Variants in ITFG1 observed in about 807,000 individuals in gnomAD.
ITFG1 encodes integrin alpha FG-GAP repeat containing 1, also known as T-cell immunomodulatory protein.
In ITFG1, 34 loss-of-function variants were observed where a neutral mutation model predicts 81.8. The observed-to-expected ratio is 0.42, with a 90% CI of 0.32 to 0.55. The LOEUF (loss-of-function observed/expected upper bound fraction) is 0.55. Ranked by LOEUF, ITFG1 falls within the 20% of genes least tolerant of loss-of-function variation. The probability of loss-of-function intolerance (pLI) is 0.17; values close to 1 mark genes in which losing one functional copy is unlikely to be tolerated. For missense variants in ITFG1, 672 were observed against 755.4 expected, an observed-to-expected ratio of 0.89 and a Z score of 1.29; for synonymous variants, 285 against 270.6, an observed-to-expected ratio of 1.05 and a Z score of -0.52.
At chr16:47,296,795 C>G (rs972791655) in intron 10 of ITFG1, among the ~76,000 whole-genome samples, 1 of 152,166 alleles carries the variant, frequency 6.6e-6, no homozygotes, top group Non-Finnish European at 1.5e-5. Context: ...CTGCTGTGAT[C>G]TGAAAAGATA....
chr16:47,420,064 G>A (rs1968925261), intron 6 of ITFG1, among the ~76,000 whole-genome samples: 1 of 151,504 alleles, frequency 6.6e-6, no homozygotes, highest in African/African-American at 2.4e-5. Context: ...TTACAGGCAC[G>A]AGCCACCATG....
At chr16:47,284,082 T>C (rs1966861254) in intron 10 of ITFG1, among the ~76,000 whole-genome samples, 1 of 152,246 alleles carries the variant, frequency 6.6e-6, no homozygotes, top group South Asian at 2.1e-4. Flanking sequence ...TGTGGCTGTC[T>C]ATGGCTTGGG....
Position 47,160,609 on chromosome 16 carries a change from A to G in ITFG1, c.1661+1141T>C, listed in dbSNP as rs151261528. 5.8e-3 allele frequency among the ~76,000 whole-genome samples: 884 copies of G among 152,238 alleles called. 7 individuals carry two copies. The highest frequency in any genetic ancestry group is 0.02 in the African/African-American group (840 of 41,524). ...ATTAAAAAAAATCTGAACCAGGACTATAACTGTTTCAATGATGTCATCTTA... is the reference window on the plus strand; with the variant it reads ...ATTAAAAAAAATCTGAACCAGGACTGTAACTGTTTCAATGATGTCATCTTA... On this transcript the variant is annotated intron_variant, in intron 16 of 17. Transcript: ENST00000320640.
intron 14 of ITFG1, among the ~76,000 whole-genome samples, chr16:47,212,833 C>T (rs1324038234): frequency 2.0e-5 from 3 of 151,860 alleles, no homozygotes; most frequent in African/African-American, 7.3e-5. Context: ...TTTGGTCAGT[C>T]CTGGTACAGA....
chr16:47,228,334 C>T (rs1286715750), intron 13 of ITFG1, among the ~76,000 whole-genome samples: 1 of 151,340 alleles, frequency 6.6e-6, no homozygotes, highest in African/African-American at 2.5e-5. Context: ...ATTCACTTCA[C>T]CAAAATAAAG....
At chr16:47,252,661 G>A (rs1330229285) in intron 12 of ITFG1, among the ~76,000 whole-genome samples, 1 of 152,156 alleles carries the variant, frequency 6.6e-6, no homozygotes, top group Admixed American at 6.6e-5. Flanking sequence ...TGTGCTGTGC[G>A]TAAGAGAAGC....
At chr16:47,171,027 G>A (rs923385005) in intron 14 of ITFG1, among the ~76,000 whole-genome samples, 24 of 118,138 alleles carry the variant, frequency 2.0e-4, no homozygotes, top group Non-Finnish European at 3.0e-4. Context: ...GAGCCACTGT[G>A]CCTTTTTTTT....
chr16:47,258,788 T>TAAA, intron 11 of ITFG1, 48 bp from the exon 12 acceptor site: 1 of 702,092 alleles, frequency 1.4e-6, no homozygotes, highest in Non-Finnish European at 2.2e-6. Flanking sequence ...TTAGACCAAC[T>TAAA]AAAAAAAAAA....
At chr16:47,212,508 A>G (rs1242708888) in intron 14 of ITFG1, among the ~76,000 whole-genome samples, 3 of 152,228 alleles carry the variant, frequency 2.0e-5, no homozygotes, top group Admixed American at 6.5e-5. Flanking sequence ...TGAGCCATCC[A>G]TCGCACTCTA....
intron 13 of ITFG1, among the ~76,000 whole-genome samples, chr16:47,233,075 C>G (rs1205885553): frequency 1.3e-5 from 2 of 152,116 alleles, no homozygotes; most frequent in Non-Finnish European, 2.9e-5. Context: ...TGGACAAAAA[C>G]AAACTTCAAA....
At chr16:47,320,635 A>G (rs1293943643) in intron 8 of ITFG1, among the ~76,000 whole-genome samples, 1 of 152,226 alleles carries the variant, frequency 6.6e-6, no homozygotes, top group Non-Finnish European at 1.5e-5. Flanking sequence ...CTTAGCTACC[A>G]TATGTGATCA....
intron 9 of ITFG1, chr16:47,312,908 A>T (rs1398859591): frequency 6.6e-6 from 1 of 152,224 alleles, no homozygotes; most frequent in Admixed American, 6.5e-5. Context: ...TAGGATTACT[A>T]ATAATTATGA....
chr16:47,371,041 C>T (rs1968247257), intron 7 of ITFG1, among the ~76,000 whole-genome samples: 1 of 152,196 alleles, frequency 6.6e-6, no homozygotes, highest in South Asian at 2.1e-4. Context: ...TACCGATCTG[C>T]ACTGTTTCCC....
chr16:47,191,419 A>T, intron 14 of ITFG1, among the ~76,000 whole-genome samples: 1 of 151,256 alleles, frequency 6.6e-6, no homozygotes, highest in Non-Finnish European at 1.5e-5. Context: ...TTTTTAGTTC[A>T]TCAGCTGTCA....
intron 8 of ITFG1, among the ~76,000 whole-genome samples, chr16:47,339,304 T>C (rs1967749763): frequency 6.6e-6 from 1 of 152,220 alleles, no homozygotes; most frequent in African/African-American, 2.4e-5. Flanking sequence ...TTTGGGCATA[T>C]ACCTAGCAGT....
chr16:47,389,127 T>C (rs1373922470), intron 6 of ITFG1, among the ~76,000 whole-genome samples: 1 of 152,150 alleles, frequency 6.6e-6, no homozygotes, highest in Non-Finnish European at 1.5e-5. Flanking sequence ...CTTAATTTAA[T>C]AAACTCTCCT....
At chr16:47,392,123 T>C (rs908059195) in intron 6 of ITFG1, among the ~76,000 whole-genome samples, 1 of 152,112 alleles carries the variant, frequency 6.6e-6, no homozygotes, top group Non-Finnish European at 1.5e-5. Context: ...TGAGTAAAGA[T>C]CTGAAGGAGG....
At chr16:47,443,386 TCCCATTACTGGGTATATACCCAA>T (rs1969280378) in intron 5 of ITFG1, among the ~76,000 whole-genome samples, 1 of 152,130 alleles carries the variant, frequency 6.6e-6, no homozygotes, top group African/African-American at 2.4e-5. Flanking sequence ...GACCCAGACG[TCCCATTACTGGGTATATACCCAA>T]AGGATTATAA....
intron 6 of ITFG1, among the ~76,000 whole-genome samples, chr16:47,402,730 C>T (rs1433289648): frequency 1.3e-5 from 2 of 152,202 alleles, no homozygotes; most frequent in African/African-American, 2.4e-5. Flanking sequence ...TAATCACGCA[C>T]ATAAGGAGGC....
Sources: allele counts gnomAD v4.1 joint callset (sites outside exome capture counted in the v4.1 genomes callset), GRCh38; gene constraint gnomAD v4.1.1; transcripts MANE v1.5; gene names NCBI Gene and HGNC (gene_info 2026-07-23, HGNC 2026-07-21).